Variants in VWA8 observed in about 807,000 individuals in gnomAD.
VWA8 encodes von Willebrand factor A domain containing 8.
In VWA8, 221 loss-of-function variants were observed where a neutral mutation model predicts 241.5. That is an observed-to-expected ratio of 0.91 (90% CI 0.82 to 1.02). VWA8 has a LOEUF of 1.02. Ranked by LOEUF, VWA8 falls within the 50% of genes least tolerant of loss-of-function variation. The pLI is 0.00. For synonymous variants in VWA8, 852 were observed against 827.1 expected (o/e 1.03, Z -0.52); for missense variants, 2,322 against 2,328.7 (o/e 1.00, Z 0.06).
intron 8 of VWA8, among the ~76,000 whole-genome samples, chr13:41,885,461 G>A (rs909331869): frequency 8.0e-5 from 12 of 150,656 alleles, no homozygotes; most frequent in African/African-American, 2.8e-4. Context: ...CTAAGAAGAC[G>A]ATCCTTGGGC....
intron 17 of VWA8, among the ~76,000 whole-genome samples, chr13:41,793,909 A>G (rs1007055706): frequency 1.3e-5 from 2 of 152,146 alleles, no homozygotes; most frequent in African/African-American, 4.8e-5. Flanking sequence ...TCCTTTCCCC[A>G]TTGTTTTCGT....
At chr13:41,957,315 A>T (rs866993412) in intron 1 of VWA8, among the ~76,000 whole-genome samples, 1 of 152,206 alleles carries the variant, frequency 6.6e-6, no homozygotes, top group Non-Finnish European at 1.5e-5. Flanking sequence ...ACTTGCCGCT[A>T]TGTAAGACGT....
intron 2 of VWA8, among the ~76,000 whole-genome samples, chr13:41,940,865 G>A (rs974648759): frequency 1.3e-5 from 2 of 152,084 alleles, no homozygotes; most frequent in Non-Finnish European, 2.9e-5. Flanking sequence ...TAATAGATGA[G>A]GAATACTTAT....
chr13:41,673,863 T>C (rs949084395), intron 36 of VWA8, among the ~76,000 whole-genome samples: 2 of 152,152 alleles, frequency 1.3e-5, no homozygotes, highest in Non-Finnish European at 2.9e-5. Context: ...ATGGCAGGTA[T>C]AACATGTGAT....
At chr13:41,822,357 T>A (rs1372539427) in intron 14 of VWA8, among the ~76,000 whole-genome samples, 1 of 152,178 alleles carries the variant, frequency 6.6e-6, no homozygotes, top group Non-Finnish European at 1.5e-5. Flanking sequence ...CATACTACAA[T>A]ACTAATGTTC....
chr13:41,582,884 ACT>A (rs980244590), intron 42 of VWA8, among the ~76,000 whole-genome samples: 2 of 151,724 alleles, frequency 1.3e-5, no homozygotes, highest in African/African-American at 4.8e-5. Context: ...CTTACTCTTC[ACT>A]CTTCCTCCTT....
chr13:41,958,670 G>A (rs998938919), intron 1 of VWA8, among the ~76,000 whole-genome samples: 2 of 152,154 alleles, frequency 1.3e-5, no homozygotes, highest in African/African-American at 4.8e-5. Context: ...CCATTTACCT[G>A]GCTCACAACT....
intron 20 of VWA8, among the ~76,000 whole-genome samples, chr13:41,763,499 A>G (rs1267118862): frequency 6.6e-6 from 1 of 151,690 alleles, no homozygotes; most frequent in Non-Finnish European, 1.5e-5. Flanking sequence ...ATTGGATTTC[A>G]CCCAAAATAG....
chr13:41,900,377 A>G (rs1481455549), intron 4 of VWA8, among the ~76,000 whole-genome samples: 1 of 152,174 alleles, frequency 6.6e-6, no homozygotes, highest in African/African-American at 2.4e-5. Flanking sequence ...TTGTCCTTCA[A>G]GCTACAGAAC....
chr13:41,678,912 A>C (rs932139059), intron 35 of VWA8, among the ~76,000 whole-genome samples: 6 of 152,184 alleles, frequency 3.9e-5, no homozygotes, highest in African/African-American at 1.4e-4. Flanking sequence ...AAGCACTTTA[A>C]AAATAATAAA....
intron 42 of VWA8, among the ~76,000 whole-genome samples, chr13:41,580,469 C>T (rs1478088634): frequency 6.6e-6 from 1 of 152,122 alleles, no homozygotes; most frequent in Non-Finnish European, 1.5e-5. Context: ...AGAAATTTCC[C>T]TGGCAGGTGC....
At chr13:41,818,625 C>T (rs1363640446) in intron 15 of VWA8, among the ~76,000 whole-genome samples, 1 of 152,090 alleles carries the variant, frequency 6.6e-6, no homozygotes, top group African/African-American at 2.4e-5. Context: ...TTGAAGCGTG[C>T]AGTTCTAAAA....
intron 12 of VWA8, among the ~76,000 whole-genome samples, chr13:41,850,403 C>T (rs1872480193): frequency 6.6e-6 from 1 of 152,154 alleles, no homozygotes; most frequent in African/African-American, 2.4e-5. Context: ...CCCCTAGACT[C>T]AGGGACCAGG....
intron 2 of VWA8, among the ~76,000 whole-genome samples, chr13:41,913,913 G>A (rs1876128505): frequency 6.6e-6 from 1 of 152,196 alleles, no homozygotes; most frequent in African/African-American, 2.4e-5. Flanking sequence ...TTCCTGGAAG[G>A]GGGACTTGAA....
chr13:41,657,640 C>A (rs918284997), intron 37 of VWA8, among the ~76,000 whole-genome samples: 8 of 152,026 alleles, frequency 5.3e-5, no homozygotes, highest in African/African-American at 1.9e-4. Flanking sequence ...CAGGCGCCCG[C>A]CACCGCGCCC....
chr13:41,908,643 AT>A (rs1053017906), intron 3 of VWA8, among the ~76,000 whole-genome samples: 13 of 152,330 alleles, frequency 8.5e-5, no homozygotes, highest in East Asian at 1.9e-4. Flanking sequence ...GGACAAAAAA[AT>A]AATCAAAAAA....
In VWA8 at chr13:41,960,916, G is replaced by C. The variant is rs1878585661; in HGVS notation, c.100C>G (p.Pro34Ala). Residue 34 changes from proline to alanine, a missense_variant, in exon 1 of 45, where the codon CCG (proline) becomes GCG (alanine). Physicochemically the swap from Pro to Ala is conservative, Grantham distance 27. Transcript: ENST00000379310. ...TCCGGCCGCTGCCTGTCGCCACCCGGCCTGCGCTGCACCACCTGCCGCAGG... is the reference window on the plus strand; with the variant it reads ...TCCGGCCGCTGCCTGTCGCCACCCGCCCTGCGCTGCACCACCTGCCGCAGG... ...LLLRQVVQRR[P>A]GGDRQRPEVR... 6.6e-7 allele frequency: 1 copy of C among 1,509,514 alleles called. No homozygotes were observed. Among genetic ancestry groups the C allele is most frequent in the Non-Finnish European group, 8.8e-7 (1 of 1,135,760 alleles). The allele number at this position is 1,509,514 out of a possible 1,614,324, so 93.5% of individuals were successfully genotyped here. A position where few individuals can be genotyped will look rare whatever the true frequency, so the allele number is the denominator to read the frequency against.
At chr13:41,868,517 T>G in intron 9 of VWA8, 40 bp from the exon 10 acceptor site, 1 of 1,591,062 alleles carries the variant, frequency 6.3e-7, no homozygotes, top group Non-Finnish European at 8.6e-7. Flanking sequence ...TACTTTTCAT[T>G]TTAGCATTAA....
chr13:41,860,417 AT>A (rs1254027282), intron 12 of VWA8, among the ~76,000 whole-genome samples: 1 of 152,088 alleles, frequency 6.6e-6, no homozygotes, highest in Admixed American at 6.5e-5. Context: ...CATCATCTGT[AT>A]TTTTCAGAGA....
Sources: allele counts gnomAD v4.1 joint callset (sites outside exome capture counted in the v4.1 genomes callset), GRCh38; gene constraint gnomAD v4.1.1; transcripts MANE v1.5; gene names NCBI Gene and HGNC (gene_info 2026-07-23, HGNC 2026-07-21).